Variants in RXFP2 observed in about 807,000 individuals in gnomAD.
RXFP2 encodes the protein relaxin family peptide receptor 2.
Under a neutral mutation model 88.6 loss-of-function variants are expected in RXFP2, and 68 were observed. That is an observed-to-expected ratio of 0.77 (90% CI 0.63 to 0.94). The LOEUF is 0.94. Ranked by LOEUF, RXFP2 falls within the 40% of genes least tolerant of loss-of-function variation. The probability of loss-of-function intolerance (pLI) is 0.00; values close to 1 mark genes in which losing one functional copy is unlikely to be tolerated. For synonymous variants in RXFP2, 329 were observed against 306.8 expected (o/e 1.07, Z -0.76); for missense variants, 791 against 893.9 (o/e 0.88, Z 1.47).
chr13:31,759,626 C>G (rs1407877825), intron 2 of RXFP2, among the ~76,000 whole-genome samples: 1 of 151,976 alleles, frequency 6.6e-6, no homozygotes, highest in South Asian at 2.1e-4. Flanking sequence ...ATCTTACAGG[C>G]CAATTTCACC....
chr13:31,739,726 G>T lies in RXFP2; in HGVS notation c.94+20G>T. On this transcript the variant is annotated intron_variant, in intron 1 of 17. Transcript: ENST00000298386. ...TCAAAGGTAAGGTTGCTACTTTCTCGTTTTAAATGAGTGCAATTCCCAAAA... is the reference window on the plus strand; with the variant it reads ...TCAAAGGTAAGGTTGCTACTTTCTCTTTTTAAATGAGTGCAATTCCCAAAA... 2.0e-6 allele frequency: 3 copies of T among 1,479,646 alleles called. No homozygotes were observed. The highest frequency in any genetic ancestry group is 2.8e-6 in the Non-Finnish European group (3 of 1,058,000). The allele number at this position is 1,479,646 out of a possible 1,614,324, so 91.7% of individuals were successfully genotyped here.
intron 8 of RXFP2, among the ~76,000 whole-genome samples, 163 bp downstream of exon 8, chr13:31,777,610 C>T (rs925971534): frequency 1.3e-5 from 2 of 152,158 alleles, no homozygotes; most frequent in African/African-American, 4.8e-5. Flanking sequence ...ATAATACTTC[C>T]TGGCCATGGC....
chr13:31,781,330 A>T (rs142280293), intron 9 of RXFP2, among the ~76,000 whole-genome samples: 65 of 152,288 alleles, frequency 4.3e-4, no homozygotes, highest in African/African-American at 1.5e-3. Flanking sequence ...GCAATTTGGC[A>T]GGAGTGCTGT....
intron 5 of RXFP2, among the ~76,000 whole-genome samples, chr13:31,772,848 C>T (rs558984791): frequency 6.6e-6 from 1 of 152,276 alleles, no homozygotes; most frequent in South Asian, 2.1e-4. Flanking sequence ...AAGACAAAAG[C>T]GTAAGGTCAA....
intron 1 of RXFP2, among the ~76,000 whole-genome samples, chr13:31,751,198 A>G (rs1376477217): frequency 6.6e-6 from 1 of 152,180 alleles, no homozygotes; most frequent in Non-Finnish European, 1.5e-5. Context: ...AGGCTGAGGC[A>G]GGAGAATCAC....
At chr13:31,800,924 T>TA (rs1302378179) in intron 17 of RXFP2, among the ~76,000 whole-genome samples, 7 of 151,840 alleles carry the variant, frequency 4.6e-5, no homozygotes, top group Non-Finnish European at 8.8e-5. Context: ...TCCTTTCAGT[T>TA]AAAAAATAAG....
chr13:31,794,790 C>T (rs1873952780), intron 16 of RXFP2, among the ~76,000 whole-genome samples: 1 of 152,040 alleles, frequency 6.6e-6, no homozygotes, highest in Non-Finnish European at 1.5e-5. Context: ...AGATGAAGGA[C>T]TGAAGAAACT....
chr13:31,771,650 G>A (rs1872738572), intron 5 of RXFP2, among the ~76,000 whole-genome samples: 1 of 151,968 alleles, frequency 6.6e-6, no homozygotes, highest in Admixed American at 6.6e-5. Context: ...ACATTAGCTG[G>A]GCATGGTGGC....
chr13:31,783,114 A>G (rs1593465320), intron 11 of RXFP2, among the ~76,000 whole-genome samples: 3 of 152,342 alleles, frequency 2.0e-5, no homozygotes, highest in Non-Finnish European at 4.4e-5. Context: ...TGACTAACTG[A>G]AATAATATTA....
At chr13:31,743,957 T>C (rs1871309852) in intron 1 of RXFP2, among the ~76,000 whole-genome samples, 1 of 152,152 alleles carries the variant, frequency 6.6e-6, no homozygotes, top group South Asian at 2.1e-4. Context: ...GGAATACATC[T>C]ATCCCTAGAT....
intron 8 of RXFP2, among the ~76,000 whole-genome samples, chr13:31,778,214 C>T (rs1160134969): frequency 6.6e-6 from 1 of 152,036 alleles, no homozygotes; most frequent in Non-Finnish European, 1.5e-5. Flanking sequence ...GGAAAATTAC[C>T]ATGAACTTCA....
At chr13:31,753,858 A>T (rs1183938083) in intron 1 of RXFP2, among the ~76,000 whole-genome samples, 1 of 152,122 alleles carries the variant, frequency 6.6e-6, no homozygotes, top group Non-Finnish European at 1.5e-5. Flanking sequence ...TCACTTAAAA[A>T]GTTACTGAGC....
chr13:31,765,340 C>T (rs1872504656), intron 4 of RXFP2, among the ~76,000 whole-genome samples, 198 bp downstream of exon 4: 2 of 152,126 alleles, frequency 1.3e-5, no homozygotes, highest in African/African-American at 4.8e-5. Flanking sequence ...AGCCTGTCAT[C>T]AGTTAGCTCA....
At chr13:31,789,055 G>A (rs898175562) in intron 13 of RXFP2, 67 bp from the exon 14 acceptor site, 11 of 950,516 alleles carry the variant, frequency 1.2e-5, no homozygotes, top group Non-Finnish European at 1.9e-5. Flanking sequence ...TTTCGGATAT[G>A]ATGAAGAATG....
chr13:31,750,101 CA>C (rs1338523375), intron 1 of RXFP2, among the ~76,000 whole-genome samples: 1 of 152,132 alleles, frequency 6.6e-6, no homozygotes, highest in East Asian at 1.9e-4. Flanking sequence ...GAGTTAAAAA[CA>C]AGTGACAAAC....
At position 31,777,418 on chromosome 13, in the gene RXFP2, G is replaced by C; in HGVS notation, c.684G>C (p.Leu228Phe). ...DNPITRISQR[L>F]FTGLNSLFFL... ...CAATAACCAGAATTTCACAGCGCTTGTTTACGGGATTAAATTCCTTGTTTT... is the reference window on the plus strand; with the variant it reads ...CAATAACCAGAATTTCACAGCGCTTCTTTACGGGATTAAATTCCTTGTTTT... Residue 228 changes from leucine to phenylalanine, a missense_variant, in exon 8 of 18, where the codon TTG (leucine) becomes TTC (phenylalanine). Physicochemically the swap from Leu to Phe is conservative, Grantham distance 22. Coordinates refer to ENST00000298386, the MANE Select transcript of RXFP2 (RefSeq NM_130806.5). 1 of 1,611,956 alleles carries C rather than the reference G, an allele frequency of 6.2e-7. No individual in the cohort carries two copies. Among genetic ancestry groups the C allele is most frequent in the South Asian group, 1.1e-5 (1 of 90,872 alleles).
intron 1 of RXFP2, among the ~76,000 whole-genome samples, chr13:31,755,717 A>G (rs541370865): frequency 6.6e-6 from 1 of 152,340 alleles, no homozygotes; most frequent in East Asian, 1.9e-4. Context: ...CAGGTTTAAC[A>G]AGCCAACCCC....
chr13:31,794,766 C>A (rs1326970002), intron 16 of RXFP2, among the ~76,000 whole-genome samples: 2 of 152,066 alleles, frequency 1.3e-5, no homozygotes, highest in Non-Finnish European at 2.9e-5. Context: ...GGCTCAAAGC[C>A]AGGGAACAGG....
chr13:31,746,879 CTGTAAAAGT>C (rs973808605), intron 1 of RXFP2, among the ~76,000 whole-genome samples: 1 of 152,126 alleles, frequency 6.6e-6, no homozygotes, highest in African/African-American at 2.4e-5. Context: ...TTAAGAGCCA[CTGTAAAAGT>C]ATTCCCTTAA....
Sources: allele counts gnomAD v4.1 joint callset (sites outside exome capture counted in the v4.1 genomes callset), GRCh38; gene constraint gnomAD v4.1.1; transcripts MANE v1.5; gene names NCBI Gene and HGNC (gene_info 2026-07-23, HGNC 2026-07-21).